The following DGKB variants were observed in gnomAD, a reference collection of about 807,000 sequenced individuals.
DGKB encodes 90 kDa diacylglycerol kinase.
DGKB carries 67 observed loss-of-function variants against 114.3 expected under a neutral mutation model. That is an observed-to-expected ratio of 0.59 (90% CI 0.48 to 0.72). The LOEUF is 0.72. DGKB is among the 30% of genes least tolerant of loss of function. The probability of loss-of-function intolerance (pLI) is 0.00; values close to 1 mark genes in which losing one functional copy is unlikely to be tolerated. For synonymous variants in DGKB, 398 were observed against 323.1 expected, an observed-to-expected ratio of 1.23 and a Z score of -2.49; for missense variants, 907 against 975.2, an observed-to-expected ratio of 0.93 and a Z score of 0.93.
At chr7:14,717,540 C>T (rs908563612) in intron 6 of DGKB, among the ~76,000 whole-genome samples, 1 of 151,980 alleles carries the variant, frequency 6.6e-6, no homozygotes, top group Non-Finnish European at 1.5e-5. Context: ...ATAACCTAAG[C>T]ATGTGTGACT....
intron 13 of DGKB, among the ~76,000 whole-genome samples, chr7:14,646,446 T>C (rs1813029995): frequency 1.3e-5 from 2 of 152,224 alleles, no homozygotes; most frequent in South Asian, 2.1e-4. Flanking sequence ...AAAAGGATAA[T>C]AAATTGTAAA....
chr7:14,890,599 T>C (rs1013160537), intron 1 of DGKB, among the ~76,000 whole-genome samples: 1 of 151,420 alleles, frequency 6.6e-6, no homozygotes, highest in Admixed American at 6.6e-5. Context: ...AAATATGGGA[T>C]GTGTCTGAGA....
At chr7:14,776,916 C>A (rs758456179) in intron 2 of DGKB, among the ~76,000 whole-genome samples, 1 of 152,164 alleles carries the variant, frequency 6.6e-6, no homozygotes, top group African/African-American at 2.4e-5. Flanking sequence ...ACACTCAATG[C>A]TAGCTATGAA....
chr7:14,491,229 C>T (rs930765200), intron 20 of DGKB, among the ~76,000 whole-genome samples: 23 of 151,920 alleles, frequency 1.5e-4, no homozygotes, highest in Admixed American at 1.5e-3. Context: ...GGGGCTTTTT[C>T]CCCTATATTG....
chr7:14,618,397 G>A (rs1450022158), intron 15 of DGKB, among the ~76,000 whole-genome samples: 1 of 151,372 alleles, frequency 6.6e-6, no homozygotes, highest in African/African-American at 2.4e-5. Flanking sequence ...AACTAGATTC[G>A]TTACTTCTTA....
At chr7:14,455,691 C>T (rs1336441906) in intron 21 of DGKB, among the ~76,000 whole-genome samples, 1 of 151,950 alleles carries the variant, frequency 6.6e-6, no homozygotes, top group Non-Finnish European at 1.5e-5. Context: ...TGAGTCGGAA[C>T]ATTTAAAGGT....
intron 23 of DGKB, among the ~76,000 whole-genome samples, chr7:14,316,203 C>G (rs372523717): frequency 2.0e-5 from 3 of 151,950 alleles, no homozygotes; most frequent in African/African-American, 7.3e-5. Flanking sequence ...AACTGACACC[C>G]TAACATCACA....
intron 21 of DGKB, among the ~76,000 whole-genome samples, chr7:14,387,543 G>T (rs180893936): frequency 6.6e-6 from 1 of 152,016 alleles, no homozygotes; most frequent in Non-Finnish European, 1.5e-5. Context: ...CTTCAGAGTA[G>T]CTGGGACTAT....
chr7:14,823,851 C>A (rs189466051), intron 2 of DGKB, among the ~76,000 whole-genome samples: 1 of 152,204 alleles, frequency 6.6e-6, no homozygotes, highest in Admixed American at 6.5e-5. Flanking sequence ...TTAACATGAC[C>A]TGTATCACCA....
chr7:14,242,340 G>A (rs1288025829), intron 23 of DGKB, among the ~76,000 whole-genome samples: 1 of 152,102 alleles, frequency 6.6e-6, no homozygotes, highest in Non-Finnish European at 1.5e-5. Flanking sequence ...TCCTTACATT[G>A]TCCTGAAAGT....
chr7:14,787,184 G>C (rs2128498989), intron 2 of DGKB, among the ~76,000 whole-genome samples: 1 of 152,326 alleles, frequency 6.6e-6, no homozygotes, highest in African/African-American at 2.4e-5. Flanking sequence ...CTCAGGACCA[G>C]CTTAAGCAAC....
chr7:14,235,977 G>A (rs1299328381), intron 23 of DGKB, among the ~76,000 whole-genome samples: 6 of 151,848 alleles, frequency 4.0e-5, no homozygotes, highest in African/African-American at 9.7e-5. Flanking sequence ...AGACATACAC[G>A]CAGATACACA....
chr7:14,830,492 C>G (rs1268073220), intron 2 of DGKB, among the ~76,000 whole-genome samples: 4 of 152,060 alleles, frequency 2.6e-5, no homozygotes, highest in Admixed American at 2.0e-4. Flanking sequence ...CTTTCAAAGT[C>G]AAAGCTGTAG....
At chr7:14,851,602 G>A (rs914798781) in intron 1 of DGKB, among the ~76,000 whole-genome samples, 1 of 152,164 alleles carries the variant, frequency 6.6e-6, no homozygotes, top group Admixed American at 6.5e-5. Flanking sequence ...AGCAGGTGGT[G>A]TCTATGGCTT....
At chr7:14,673,180 T>C (rs1819277371) in intron 12 of DGKB, among the ~76,000 whole-genome samples, 153 bp from the exon 13 acceptor site, 1 of 151,998 alleles carries the variant, frequency 6.6e-6, no homozygotes, top group Non-Finnish European at 1.5e-5. Flanking sequence ...GAATTCATAA[T>C]ACATTTGTCC....
chr7:14,329,752 T>C (rs1361297038), intron 23 of DGKB, among the ~76,000 whole-genome samples: 1 of 152,060 alleles, frequency 6.6e-6, no homozygotes, highest in Non-Finnish European at 1.5e-5. Context: ...GAAATTTGTA[T>C]GGATAGCCTC....
At chr7:14,183,314 C>T (rs1054767113) in intron 23 of DGKB, among the ~76,000 whole-genome samples, 4 of 152,178 alleles carry the variant, frequency 2.6e-5, no homozygotes, top group Non-Finnish European at 5.9e-5. Flanking sequence ...ATATACTTCT[C>T]ACAAGCATAA....
chr7:14,853,386 A>G (rs201739925), intron 1 of DGKB, among the ~76,000 whole-genome samples: 1 of 151,892 alleles, frequency 6.6e-6, no homozygotes, highest in East Asian at 1.9e-4. Context: ...AACATTTACA[A>G]TATCATTTTC....
chr7:14,754,276 GATCA>G (rs1393691033), intron 3 of DGKB, among the ~76,000 whole-genome samples: 1 of 152,064 alleles, frequency 6.6e-6, no homozygotes, highest in Non-Finnish European at 1.5e-5. Flanking sequence ...TCAATGACTA[GATCA>G]ATCTTTGTAT....
Sources: allele counts gnomAD v4.1 joint callset (sites outside exome capture counted in the v4.1 genomes callset), GRCh38; gene constraint gnomAD v4.1.1; transcripts MANE v1.5; gene names NCBI Gene and HGNC (gene_info 2026-07-23, HGNC 2026-07-21).